MYO5B: variants seen among roughly 807,000 people sequenced by gnomAD.
MYO5B encodes myosin VB.
Under a neutral mutation model 229.3 loss-of-function variants are expected in MYO5B, and 143 were observed. The observed-to-expected ratio is 0.62, with a 90% CI of 0.54 to 0.72. The LOEUF (loss-of-function observed/expected upper bound fraction) is 0.72, where lower values mean the gene tolerates loss of function less well. MYO5B is among the 30% of genes least tolerant of loss of function. The probability of loss-of-function intolerance (pLI) is 0.00; values close to 1 mark genes in which losing one functional copy is unlikely to be tolerated. For missense variants in MYO5B, 2,321 were observed against 2,331.0 expected (o/e 1.00, Z 0.09); for synonymous variants, 918 against 885.2 (o/e 1.04, Z -0.66).
intron 5 of MYO5B, among the ~76,000 whole-genome samples, chr18:50,000,255 G>A (rs1315861652): frequency 6.6e-6 from 1 of 152,188 alleles, no homozygotes; most frequent in Non-Finnish European, 1.5e-5. Context: ...CTTAGTCGAT[G>A]GGGCTCAGGG....
At chr18:50,177,350 G>C (rs754607561) in intron 1 of MYO5B, among the ~76,000 whole-genome samples, 1 of 152,156 alleles carries the variant, frequency 6.6e-6, no homozygotes, top group African/African-American at 2.4e-5. Flanking sequence ...CTCATTTTAA[G>C]GTGGCAGCTA....
intron 35 of MYO5B, 115 bp from the exon 36 acceptor site, chr18:49,839,409 C>T: frequency 8.7e-7 from 1 of 1,148,284 alleles, no homozygotes; most frequent in Non-Finnish European, 1.3e-6. Context: ...CTACTCAGGC[C>T]CTCCCTATGT....
intron 1 of MYO5B, among the ~76,000 whole-genome samples, chr18:50,075,839 T>G (rs2031066146): frequency 6.6e-6 from 1 of 152,212 alleles, no homozygotes; most frequent in Admixed American, 6.5e-5. Flanking sequence ...GCTCTTGGCA[T>G]TCCTTCCTGC....
chr18:49,963,415 A>AATTT (rs1159034209), intron 10 of MYO5B, among the ~76,000 whole-genome samples: 3,073 of 148,000 alleles, frequency 0.021, 29 homozygotes, highest in Middle Eastern at 0.028. Flanking sequence ...TTAATTAATT[A>AATTT]ATTTATTTAT....
At chr18:50,057,941 T>C (rs1425012416) in intron 1 of MYO5B, among the ~76,000 whole-genome samples, 1 of 152,164 alleles carries the variant, frequency 6.6e-6, no homozygotes, top group Non-Finnish European at 1.5e-5. Flanking sequence ...TGAGAATATG[T>C]CAGCAAACTG....
chr18:50,105,245 AAAT>A (rs2031736006), intron 1 of MYO5B, among the ~76,000 whole-genome samples: 1 of 143,964 alleles, frequency 6.9e-6, no homozygotes. Flanking sequence ...ATAAATAAAT[AAAT>A]AAAAAATAGA....
At chr18:50,079,909 G>A (rs2031178065) in intron 1 of MYO5B, among the ~76,000 whole-genome samples, 1 of 152,204 alleles carries the variant, frequency 6.6e-6, no homozygotes, top group Non-Finnish European at 1.5e-5. Flanking sequence ...GAGCACAATG[G>A]TGCTGTTCAG....
intron 4 of MYO5B, among the ~76,000 whole-genome samples, chr18:50,013,596 T>C (rs1598952896): frequency 6.6e-6 from 1 of 152,276 alleles, no homozygotes; most frequent in Admixed American, 6.5e-5. Context: ...TTCCAATGGA[T>C]TACTCACCTC....
At chr18:49,959,531 C>T (rs760959524) in intron 12 of MYO5B, among the ~76,000 whole-genome samples, 9 of 152,218 alleles carry the variant, frequency 5.9e-5, no homozygotes, top group Non-Finnish European at 1.0e-4. Flanking sequence ...GGCCTCCCCA[C>T]TGAGTGAGCT....
At chr18:50,025,535 G>T (rs1038630900) in intron 4 of MYO5B, among the ~76,000 whole-genome samples, 5 of 152,232 alleles carry the variant, frequency 3.3e-5, no homozygotes, top group African/African-American at 1.2e-4. Flanking sequence ...CTGTCTCAGT[G>T]TAACTGGTCT....
At chr18:49,959,107 A>C (rs2025527850) in intron 12 of MYO5B, among the ~76,000 whole-genome samples, 1 of 151,948 alleles carries the variant, frequency 6.6e-6, no homozygotes, top group Non-Finnish European at 1.5e-5. Context: ...AAATTCTCCA[A>C]GTGTGACATT....
chr18:49,988,514 T>C (rs370272813), intron 7 of MYO5B, among the ~76,000 whole-genome samples: 1 of 152,190 alleles, frequency 6.6e-6, no homozygotes, highest in South Asian at 2.1e-4. Flanking sequence ...AACCTCAATA[T>C]GACTCATGTA....
intron 3 of MYO5B, among the ~76,000 whole-genome samples, 164 bp from the exon 4 acceptor site, chr18:50,037,158 C>T (rs1285876363): frequency 6.6e-6 from 1 of 151,788 alleles, no homozygotes; most frequent in African/African-American, 2.4e-5. Context: ...CATCTGTGTG[C>T]TTCAGATCTC....
At chr18:49,870,657 C>T (rs143837014) in intron 27 of MYO5B, among the ~76,000 whole-genome samples, 36 of 152,040 alleles carry the variant, frequency 2.4e-4, no homozygotes, top group African/African-American at 8.4e-4. Flanking sequence ...ATAGAAATGG[C>T]CAATCAACAC....
At chr18:50,155,488 T>A (rs1024424426) in intron 1 of MYO5B, among the ~76,000 whole-genome samples, 1 of 152,192 alleles carries the variant, frequency 6.6e-6, no homozygotes, top group African/African-American at 2.4e-5. Flanking sequence ...AACAAAAAAA[T>A]CTTCCTAAGG....
intron 1 of MYO5B, among the ~76,000 whole-genome samples, chr18:50,078,147 C>A (rs570715790): frequency 7.2e-5 from 11 of 152,286 alleles, no homozygotes; most frequent in Non-Finnish European, 1.5e-4. Context: ...AGCAGAGTTC[C>A]CAAACTCAAA....
In MYO5B at chr18:50,055,253, C is replaced by T. The variant is rs532218918; in HGVS notation, c.138+15G>A. The T allele has an allele frequency of 1.8e-5, 26 of 1,464,962 alleles. No homozygotes were observed. The highest frequency in any genetic ancestry group is 1.5e-4 in the African/African-American group (11 of 71,050). The allele number at this position is 1,464,962 out of a possible 1,614,324, so 90.7% of individuals were successfully genotyped here. A position where few individuals can be genotyped will look rare whatever the true frequency, so the allele number is the denominator to read the frequency against. On this transcript the variant is annotated intron_variant, in intron 2 of 39. Coordinates refer to ENST00000285039, the MANE Select transcript of MYO5B (RefSeq NM_001080467.3). ...CCACCTCACCCCCGCCCCCCTGCCC[C>T]GGACTCACTCTTACCGTTTCATCCT...
At chr18:49,981,922 G>C (rs1598929842) in intron 8 of MYO5B, among the ~76,000 whole-genome samples, 1 of 152,174 alleles carries the variant, frequency 6.6e-6, no homozygotes, top group African/African-American at 2.4e-5. Flanking sequence ...AGGCACTTAT[G>C]CACCCTTGTA....
chr18:50,188,353 T>C (rs983245359), intron 1 of MYO5B, among the ~76,000 whole-genome samples: 2 of 152,172 alleles, frequency 1.3e-5, no homozygotes, highest in African/African-American at 4.8e-5. Flanking sequence ...CCAACACTTC[T>C]ACAAAATGCC....
Sources: gnomAD v4.1 joint callset for allele counts (sites outside exome capture counted in the v4.1 genomes callset) on GRCh38, gnomAD v4.1.1 for gene constraint, MANE v1.5 for transcripts, NCBI Gene and HGNC (gene_info 2026-07-23, HGNC 2026-07-21) for gene names.